The following PLA2R1 variants were observed in gnomAD, a reference collection of about 807,000 sequenced individuals.
PLA2R1 encodes the protein phospholipase A2 receptor 1.
A neutral mutation model predicts 195.9 loss-of-function variants in PLA2R1; 158 were observed. The ratio of observed to expected loss-of-function variants is 0.81; its 90% confidence interval spans 0.71 to 0.92. The LOEUF (loss-of-function observed/expected upper bound fraction) is 0.92, where lower values mean the gene tolerates loss of function less well. Among genes scored for constraint, PLA2R1 ranks in the 40% least tolerant of loss-of-function variants. PLA2R1 has a pLI of 0.00. For synonymous variants in PLA2R1, 586 were observed against 598.2 expected (o/e 0.98, Z 0.30); for missense variants, 1,626 against 1,764.6 (o/e 0.92, Z 1.41).
At chr2:160,026,491 T>C (rs548946058) in intron 6 of PLA2R1, among the ~76,000 whole-genome samples, 93 of 152,174 alleles carry the variant, frequency 6.1e-4, no homozygotes, top group Non-Finnish European at 9.3e-4. Flanking sequence ...TGGGCTGATA[T>C]GGACTCCAGG....
chr2:160,005,640 C>T lies in PLA2R1; in HGVS notation c.1834+12G>A. 2 of 1,608,456 alleles carry T rather than the reference C, an allele frequency of 1.2e-6. No homozygotes were observed. The highest frequency in any genetic ancestry group is 1.7e-6 in the Non-Finnish European group (2 of 1,175,850). On this transcript the variant is annotated intron_variant, in intron 11 of 29. Coordinates refer to ENST00000283243, the MANE Select transcript of PLA2R1 (RefSeq NM_007366.5). ...AACAGGGAGGGTTGGTGATGCAGCA[C>T]ACTCTACTCACGCGGCTGGTGTGTG...
At chr2:160,003,226 C>T (rs1467701450) in intron 11 of PLA2R1, among the ~76,000 whole-genome samples, 1 of 151,738 alleles carries the variant, frequency 6.6e-6, no homozygotes, top group Non-Finnish European at 1.5e-5. Flanking sequence ...TTTAAAAAGC[C>T]AAACTATAAA....
At chr2:160,017,396 G>C (rs1419140135) in intron 8 of PLA2R1, among the ~76,000 whole-genome samples, 1 of 152,214 alleles carries the variant, frequency 6.6e-6, no homozygotes, top group Non-Finnish European at 1.5e-5. Flanking sequence ...TCCTGACCAA[G>C]TGAGAGTGCT....
rs961478242 is a variant in PLA2R1, at chr2:160,058,111, CA to C, written c.109+4183del. Among the ~76,000 whole-genome samples the C allele has an allele frequency of 8.6e-4, 124 of 144,272 alleles. No homozygotes were observed. The Middle Eastern group carries it at 0.014, about 16-fold the overall frequency. 94.6% of individuals were successfully genotyped at this position (144,272 alleles called of 152,430 possible). On this transcript the variant is annotated intron_variant, in intron 1 of 29. Coordinates refer to ENST00000283243, the MANE Select transcript of PLA2R1 (RefSeq NM_007366.5). ...TTACCATGCTTTCTAGAATCACCTCCAAAAAAAAAAACTACTTGCACCCTAA... is the reference window on the plus strand; with the variant it reads ...TTACCATGCTTTCTAGAATCACCTCCAAAAAAAAAACTACTTGCACCCTAA...
chr2:159,963,244 A>G (rs773120091), intron 20 of PLA2R1, among the ~76,000 whole-genome samples: 1 of 152,218 alleles, frequency 6.6e-6, no homozygotes, highest in Non-Finnish European at 1.5e-5. Context: ...TGAATTCAAA[A>G]TGTATCAACA....
intron 20 of PLA2R1, among the ~76,000 whole-genome samples, chr2:159,964,221 G>T (rs1688638580): frequency 6.6e-6 from 1 of 152,176 alleles, no homozygotes; most frequent in Non-Finnish European, 1.5e-5. Flanking sequence ...TAGATTAGAG[G>T]TTACCAGGGG....
rs776201495 is a variant in PLA2R1 at position 159,967,625 on chromosome 2, T to C, written c.2818A>G (p.Lys940Glu). Residue 940 changes from lysine to glutamate, a missense_variant, in exon 20 of 30, where the codon AAA becomes GAA. Physicochemically the swap from Lys to Glu is moderately conservative, Grantham distance 56. Coordinates refer to ENST00000283243, the MANE Select transcript of PLA2R1 (RefSeq NM_007366.5). ...TTTTTCTCTATGAGCCAAACCTTTT[T>C]TCGCTTACAGATACTAGGCATAGAA... ...SVSMPSICKR[K>E]KVWLIEKKKD... The C allele has an allele frequency of 6.4e-5, 103 of 1,613,732 alleles. No homozygotes were observed. The highest frequency in any genetic ancestry group is 1.2e-4 in the South Asian group (11 of 91,082).
rs1246515251 is a variant in PLA2R1 at position 159,941,927 on chromosome 2, T to A, written c.4243A>T (p.Thr1415Ser). 6.2e-7 allele frequency: 1 copy of A among 1,614,002 alleles called. No homozygotes were observed. The highest frequency in any genetic ancestry group is 8.5e-7 in the Non-Finnish European group (1 of 1,179,900). ...TGCTTGTATATGCAGAAGGAAAGTG[T>A]GCAAATGGCCACAATGACTATCAGT... is the stretch of plus-strand genomic sequence containing the variant. ...LTLIVIVAICTLSFCIYKHNG... is the reference protein window; with the variant it reads ...LTLIVIVAICSLSFCIYKHNG... Residue 1415 changes from threonine (T) to serine (S), a missense_variant, in exon 30 of 30, where the codon ACA (threonine) becomes TCA (serine). Physicochemically the swap from Thr to Ser is moderately conservative, Grantham distance 58. Coordinates refer to ENST00000283243, the MANE Select transcript of PLA2R1 (RefSeq NM_007366.5).
rs572313740 is a variant in PLA2R1, at chr2:159,956,548, C to G, written c.2984G>C (p.Gly995Ala). 9 of 1,613,426 alleles carry G rather than the reference C, an allele frequency of 5.6e-6. No individual in the cohort carries two copies. Among genetic ancestry groups the G allele is most frequent in the South Asian group, 1.1e-5 (1 of 91,062 alleles). The change falls in exon 21 of 30, where the codon GGG becomes GCG. Residue 995 changes from glycine to alanine, a missense_variant. By Grantham distance (60) the Gly-to-Ala change is moderately conservative. Coordinates refer to ENST00000283243, the MANE Select transcript of PLA2R1 (RefSeq NM_007366.5). ...ACTTTCAATGGCGACCAGGGTCCCC[C>G]CTTCTTCAGCACAGAAATGTTGAGC... Reference protein sequence around the residue: ...THAQHFCAEEGGTLVAIESEV... With the variant: ...THAQHFCAEEAGTLVAIESEV...
At chr2:159,945,960 C>T (rs1053839225) in intron 27 of PLA2R1, 10 of 943,606 alleles carry the variant, frequency 1.1e-5, no homozygotes, top group African/African-American at 1.8e-5. Context: ...CAAAACTAAT[C>T]GAGTAAAGAA....
At chr2:160,031,239 A>G (rs762246693) in intron 4 of PLA2R1, among the ~76,000 whole-genome samples, 2 of 152,242 alleles carry the variant, frequency 1.3e-5, no homozygotes, top group Non-Finnish European at 2.9e-5. Context: ...TTGGGGATGT[A>G]TGCACAAAGG....
intron 11 of PLA2R1, among the ~76,000 whole-genome samples, chr2:159,999,273 A>G (rs4665134): frequency 0.22 from 33,118 of 151,580 alleles, 4,122 homozygotes; most frequent in Admixed American, 0.38. Context: ...CTAAGAATCT[A>G]TATATGAGTT....
Position 159,987,288 on chromosome 2 carries a change from C to T in PLA2R1, c.1905G>A (p.Arg635=). The change falls in exon 12 of 30, where the codon CGG becomes CGA. Residue 635 remains arginine (R), a synonymous_variant. Transcript: ENST00000283243. ...PLGRWEVKHC[R]HFKAMSLCKQ... is the part of the protein sequence containing the mutation. Reference sequence around the variant, plus strand: ...TGCACAAGGACATTGCCTTAAAGTGCCGACAGTGCTTCACTTCCCAGCGAC... The same window carrying T: ...TGCACAAGGACATTGCCTTAAAGTGTCGACAGTGCTTCACTTCCCAGCGAC... 6.2e-7 allele frequency: 1 copy of T among 1,612,870 alleles called. No homozygotes were observed. Among genetic ancestry groups the T allele is most frequent in the Non-Finnish European group, 8.5e-7 (1 of 1,179,826 alleles).
At chr2:160,004,963 TC>T (rs1242805915) in intron 11 of PLA2R1, among the ~76,000 whole-genome samples, 1 of 152,150 alleles carries the variant, frequency 6.6e-6, no homozygotes, top group African/African-American at 2.4e-5. Flanking sequence ...TATGTGCCCA[TC>T]CACCGTACTT....
chr2:159,967,561 C>A lies in PLA2R1; in HGVS notation c.2882G>T (p.Gly961Val), dbSNP rs763793010. The A allele has an allele frequency of 6.2e-7, 1 of 1,613,578 alleles. No homozygotes were observed. The highest frequency in any genetic ancestry group is 1.7e-5 in the Admixed American group (1 of 59,994). Residue 961 changes from glycine to valine, a missense_variant, in exon 20 of 30, where the codon GGA becomes GTA. By Grantham distance (109) the Gly-to-Val change is moderately radical. Coordinates refer to ENST00000283243, the MANE Select transcript of PLA2R1 (RefSeq NM_007366.5). ...TACCTTATAGTTAAAATATAGCCAT[C>A]CTTTGGGACACGTTCCATGTTGTTT... is the stretch of plus-strand genomic sequence containing the variant. ...TPKQHGTCPK[G>V]WLYFNYKCLL...
At chr2:159,951,169 G>A (rs1687713585) in intron 24 of PLA2R1, among the ~76,000 whole-genome samples, 171 bp downstream of exon 24, 1 of 152,170 alleles carries the variant, frequency 6.6e-6, no homozygotes, top group Non-Finnish European at 1.5e-5. Context: ...TGTAGTCATA[G>A]GCTGTTCATA....
intron 18 of PLA2R1, among the ~76,000 whole-genome samples, 197 bp downstream of exon 18, chr2:159,969,951 T>C (rs1007309343): frequency 1.5e-4 from 23 of 152,210 alleles, no homozygotes; most frequent in African/African-American, 4.6e-4. Context: ...GTGATGGATA[T>C]GTTTATGGCT....
chr2:159,948,814 G>A (rs56311742), intron 25 of PLA2R1, among the ~76,000 whole-genome samples: 1 of 152,122 alleles, frequency 6.6e-6, no homozygotes, highest in African/African-American at 2.4e-5. Context: ...CAGAATGTAA[G>A]TAAATACATG....
chr2:160,020,047 A>G lies in PLA2R1; in HGVS notation c.1452+59T>C, dbSNP rs181715130. 2.0e-4 allele frequency: 271 copies of G among 1,330,774 alleles called. 1 individual carries two copies. The East Asian group carries it at 6.0e-3, about 29-fold the overall frequency. The allele number at this position is 1,330,774 out of a possible 1,614,324, so 82.4% of individuals were successfully genotyped here. A position where few individuals can be genotyped will look rare whatever the true frequency, so the allele number is the denominator to read the frequency against. On this transcript the variant is annotated intron_variant, in intron 8 of 29. Coordinates refer to ENST00000283243, the MANE Select transcript of PLA2R1 (RefSeq NM_007366.5). ...CTCTGCCACAGCCCAAAGCTCCAAC[A>G]CAGGTGGCCTTCAGTACAAGACCAG...
Sources: allele counts gnomAD v4.1 joint callset (sites outside exome capture counted in the v4.1 genomes callset), GRCh38; gene constraint gnomAD v4.1.1; transcripts MANE v1.5; gene names NCBI Gene and HGNC (gene_info 2026-07-23, HGNC 2026-07-21).